The following KLHL1 variants were observed in gnomAD, a reference collection of about 807,000 sequenced individuals.
KLHL1 encodes the protein kelch-like protein 1.
A neutral mutation model predicts 77.7 loss-of-function variants in KLHL1; 47 were observed. The ratio of observed to expected loss-of-function variants is 0.60; its 90% confidence interval spans 0.48 to 0.77. The LOEUF is 0.77. Ranked by LOEUF, KLHL1 falls within the 30% of genes least tolerant of loss-of-function variation. KLHL1 has a pLI of 0.00. For synonymous variants in KLHL1, 360 were observed against 325.2 expected, an observed-to-expected ratio of 1.11 and a Z score of -1.15; for missense variants, 925 against 910.8, an observed-to-expected ratio of 1.02 and a Z score of -0.20.
At chr13:69,779,422 TTCCTTCTTTCCTTTC>T (rs1456034512) in intron 7 of KLHL1, among the ~76,000 whole-genome samples, 35 of 150,042 alleles carry the variant, frequency 2.3e-4, no homozygotes, top group Non-Finnish European at 2.8e-4. Flanking sequence ...CCTTCCCTTT[TTCCTTCTTTCCTTTC>T]TCCTTCTTTC....
In KLHL1 at chr13:69,819,131, C is replaced by G. The variant is rs1205817051; in HGVS notation, c.1414+19845G>C. Among the ~76,000 whole-genome samples, 3 of 152,042 alleles carry G rather than the reference C, an allele frequency of 2.0e-5. No individual in the cohort carries two copies. The East Asian group carries it at 5.8e-4, about 29-fold the overall frequency. Reference sequence around the variant, plus strand: ...GATAGTGTAGCTTGTCCAGTTCAAGCCAAGAGGTAAAAATAAGGTCAAGAT... The same window carrying G: ...GATAGTGTAGCTTGTCCAGTTCAAGGCAAGAGGTAAAAATAAGGTCAAGAT... On this transcript the variant is annotated intron_variant, in intron 6 of 10. Coordinates refer to ENST00000377844, the MANE Select transcript of KLHL1 (RefSeq NM_020866.3).
chr13:69,983,141 A>T (rs1884762986), intron 1 of KLHL1, among the ~76,000 whole-genome samples: 1 of 152,162 alleles, frequency 6.6e-6, no homozygotes. Flanking sequence ...AAGATAGTAC[A>T]GAGGGTGCAA....
chr13:69,815,575 GA>G (rs1220674695), intron 6 of KLHL1, among the ~76,000 whole-genome samples: 2 of 152,136 alleles, frequency 1.3e-5, no homozygotes, highest in African/African-American at 4.8e-5. Context: ...AGGAAAGTGG[GA>G]AAGTGTTGAA....
chr13:69,845,071 C>G (rs903147495), intron 5 of KLHL1, among the ~76,000 whole-genome samples: 1 of 151,802 alleles, frequency 6.6e-6, no homozygotes, highest in South Asian at 2.1e-4. Context: ...GCTGTGCACA[C>G]TAATCCTAAG....
intron 3 of KLHL1, among the ~76,000 whole-genome samples, 186 bp from the exon 4 acceptor site, chr13:69,940,422 A>G (rs755549886): frequency 3.9e-5 from 6 of 152,152 alleles, no homozygotes; most frequent in Non-Finnish European, 7.4e-5. Flanking sequence ...TATTTCATGT[A>G]ATATTCAAAA....
At chr13:70,010,112 G>A (rs1265320841) in intron 1 of KLHL1, among the ~76,000 whole-genome samples, 1 of 152,134 alleles carries the variant, frequency 6.6e-6, no homozygotes, top group Non-Finnish European at 1.5e-5. Context: ...GAACAAAAGA[G>A]AGTGCAATAG....
intron 6 of KLHL1, among the ~76,000 whole-genome samples, chr13:69,808,849 T>C (rs1877737909): frequency 7.3e-6 from 1 of 137,638 alleles, no homozygotes; most frequent in African/African-American, 2.8e-5. Flanking sequence ...AAAGATGACA[T>C]AGTTGTATTG....
intron 7 of KLHL1, among the ~76,000 whole-genome samples, chr13:69,752,059 T>C (rs958912323): frequency 2.0e-5 from 3 of 152,166 alleles, no homozygotes; most frequent in African/African-American, 7.2e-5. Context: ...GGAGTAGCTA[T>C]AATATCTAAC....
At chr13:70,092,450 G>A (rs140287330) in intron 1 of KLHL1, among the ~76,000 whole-genome samples, 36 of 152,028 alleles carry the variant, frequency 2.4e-4, no homozygotes, top group Middle Eastern at 3.4e-3. Flanking sequence ...AAACTCTGTC[G>A]TCTTTGCTTA....
chr13:69,878,350 T>C (rs1036589380), intron 5 of KLHL1, among the ~76,000 whole-genome samples: 1 of 152,096 alleles, frequency 6.6e-6, no homozygotes, highest in Non-Finnish European at 1.5e-5. Flanking sequence ...AGGAATTTTG[T>C]AAGCAGCCCA....
At chr13:70,068,336 G>A (rs1441509282) in intron 1 of KLHL1, among the ~76,000 whole-genome samples, 5 of 144,974 alleles carry the variant, frequency 3.4e-5, no homozygotes, top group East Asian at 2.2e-4. Context: ...GCGAGACTCC[G>A]TCTCAAAAAC....
intron 4 of KLHL1, among the ~76,000 whole-genome samples, chr13:69,888,962 G>A (rs1881323725): frequency 6.6e-6 from 1 of 151,732 alleles, no homozygotes; most frequent in African/African-American, 2.4e-5. Flanking sequence ...TGTCCCTTAT[G>A]GAGGATAGCA....
At chr13:69,936,091 T>C (rs988621724) in intron 4 of KLHL1, among the ~76,000 whole-genome samples, 3 of 152,208 alleles carry the variant, frequency 2.0e-5, no homozygotes, top group Admixed American at 2.0e-4. Flanking sequence ...AAGATATTTC[T>C]TGGGCATGAA....
intron 6 of KLHL1, among the ~76,000 whole-genome samples, chr13:69,819,058 A>G (rs1235027243): frequency 6.6e-6 from 1 of 152,200 alleles, no homozygotes; most frequent in Non-Finnish European, 1.5e-5. Flanking sequence ...TGCAAAAATT[A>G]TCCAGTTACA....
intron 1 of KLHL1, among the ~76,000 whole-genome samples, chr13:70,046,362 G>A (rs1436144825): frequency 6.6e-6 from 1 of 152,212 alleles, no homozygotes; most frequent in Non-Finnish European, 1.5e-5. Flanking sequence ...CTTTACAAGT[G>A]AAGAACATGT....
chr13:69,918,821 T>C (rs1367693330), intron 4 of KLHL1, among the ~76,000 whole-genome samples: 1 of 152,112 alleles, frequency 6.6e-6, no homozygotes, highest in African/African-American at 2.4e-5. Flanking sequence ...GTGTGTCCTT[T>C]CTCTAGTCAA....
chr13:69,971,487 A>G (rs1884379616), intron 2 of KLHL1, among the ~76,000 whole-genome samples: 2 of 151,974 alleles, frequency 1.3e-5, no homozygotes, highest in South Asian at 2.1e-4. Context: ...TATAAACTCT[A>G]TTTTCACCAA....
chr13:70,077,689 G>A (rs1048974380), intron 1 of KLHL1, among the ~76,000 whole-genome samples: 2 of 151,946 alleles, frequency 1.3e-5, no homozygotes, highest in African/African-American at 4.8e-5. Flanking sequence ...ATAATGGGAA[G>A]GAGTATATGG....
chr13:69,970,372 T>A (rs2137283972), intron 2 of KLHL1, among the ~76,000 whole-genome samples: 1 of 152,262 alleles, frequency 6.6e-6, no homozygotes, highest in African/African-American at 2.4e-5. Context: ...AGAGTCAAAA[T>A]TATGAAAGTA....
Sources: gnomAD v4.1 joint callset for allele counts (sites outside exome capture counted in the v4.1 genomes callset) on GRCh38, gnomAD v4.1.1 for gene constraint, MANE v1.5 for transcripts, NCBI Gene and HGNC (gene_info 2026-07-23, HGNC 2026-07-21) for gene names.